Variants in AGPS observed in about 807,000 individuals in gnomAD.
The protein encoded by AGPS is alkylglycerone phosphate synthase.
In AGPS, 26 loss-of-function variants were observed where a neutral mutation model predicts 90.7. The ratio of observed to expected loss-of-function variants is 0.29; its 90% confidence interval spans 0.21 to 0.40. The LOEUF is 0.40. Among genes scored for constraint, AGPS ranks in the 10% least tolerant of loss-of-function variants. The pLI is 1.00. For synonymous variants in AGPS, 294 were observed against 285.3 expected (o/e 1.03, Z -0.31); for missense variants, 540 against 816.1 (o/e 0.66, Z 4.12).
At chr2:177,427,114 C>T (rs924184698) in intron 2 of AGPS, among the ~76,000 whole-genome samples, 15 of 152,052 alleles carry the variant, frequency 9.9e-5, no homozygotes, top group African/African-American at 2.9e-4. Context: ...GGAACTTATC[C>T]ACTTTTTTCT....
At chr2:177,459,809 T>A (rs569837608) in intron 8 of AGPS, among the ~76,000 whole-genome samples, 5 of 152,314 alleles carry the variant, frequency 3.3e-5, no homozygotes, top group African/African-American at 1.2e-4. Flanking sequence ...GCAATCCCAT[T>A]ACTGGGTATA....
chr2:177,521,218 T>C (rs756857725), intron 17 of AGPS, 51 bp from the exon 18 acceptor site: 1 of 1,477,590 alleles, frequency 6.8e-7, no homozygotes, highest in East Asian at 2.3e-5. Context: ...AGATGTTAAA[T>C]CTGATTTCAC....
intron 19 of AGPS, among the ~76,000 whole-genome samples, chr2:177,533,312 G>C (rs1559087326): frequency 6.6e-6 from 1 of 152,150 alleles, no homozygotes; most frequent in Non-Finnish European, 1.5e-5. Flanking sequence ...TTCAGCTGTA[G>C]CATAGGTTAA....
At chr2:177,426,432 G>C (rs1322720986) in intron 2 of AGPS, among the ~76,000 whole-genome samples, 1 of 152,140 alleles carries the variant, frequency 6.6e-6, no homozygotes, top group Non-Finnish European at 1.5e-5. Context: ...ATACTATGTT[G>C]AAAGTAGTGG....
intron 2 of AGPS, among the ~76,000 whole-genome samples, chr2:177,428,962 AG>A (rs935569428): frequency 1.2e-4 from 18 of 152,110 alleles, no homozygotes; most frequent in African/African-American, 4.1e-4. Flanking sequence ...AATCAGTCAT[AG>A]GTTCAGTCTT....
chr2:177,410,779 G>A (rs1574345990), intron 1 of AGPS, among the ~76,000 whole-genome samples: 1 of 152,206 alleles, frequency 6.6e-6, no homozygotes, highest in East Asian at 1.9e-4. Context: ...CTCTGTGAGG[G>A]TGACGGCATG....
At chr2:177,512,030 AT>A (rs528860257) in intron 16 of AGPS, among the ~76,000 whole-genome samples, 8 of 152,138 alleles carry the variant, frequency 5.3e-5, no homozygotes, top group East Asian at 1.9e-4. Context: ...GTATTCTTAG[AT>A]TTTTTTTAGA....
At chr2:177,468,818 T>C (rs902621943) in intron 10 of AGPS, among the ~76,000 whole-genome samples, 5 of 152,104 alleles carry the variant, frequency 3.3e-5, no homozygotes, top group Non-Finnish European at 4.4e-5. Flanking sequence ...ATGGTTTATT[T>C]TGACATTTTG....
chr2:177,432,110 A>G (rs938789433), intron 2 of AGPS, among the ~76,000 whole-genome samples: 1 of 152,098 alleles, frequency 6.6e-6, no homozygotes, highest in Non-Finnish European at 1.5e-5. Context: ...CTTTGCTTTT[A>G]GTCATTGTCA....
At chr2:177,438,509 G>A (rs558265920) in intron 5 of AGPS, among the ~76,000 whole-genome samples, 42 of 152,136 alleles carry the variant, frequency 2.8e-4, no homozygotes, top group Non-Finnish European at 5.0e-4. Context: ...TCTTTGCTTT[G>A]TAAAATCCCT....
chr2:177,493,174 C>T lies in AGPS; in HGVS notation c.1260C>T (p.Leu420=), dbSNP rs559000990. Residue 420 remains leucine (L), a synonymous_variant, in exon 12 of 20, where the codon CTC becomes CTT. Transcript: ENST00000264167. ...GATGTGCTCCGGCATCTATTCGCCT[C>T]ATGGACAACAAGCAGTTTCAGTTTG... ...KQRCAPASIR[L]MDNKQFQFGH... 2.5e-6 allele frequency: 4 copies of T among 1,613,400 alleles called. No individual in the cohort carries two copies. In the South Asian group the frequency reaches 3.3e-5, roughly 13 times the overall value.
intron 1 of AGPS, among the ~76,000 whole-genome samples, chr2:177,418,877 T>C (rs1685864630): frequency 6.6e-6 from 1 of 151,928 alleles, no homozygotes; most frequent in Admixed American, 6.6e-5. Flanking sequence ...TAGAGATTTT[T>C]CCAAAAGCTC....
At position 177,394,250 on chromosome 2, in the gene AGPS, G is replaced by A. The variant is rs1330932901; in HGVS notation, c.260+1201G>A. On this transcript the variant is annotated intron_variant, in intron 1 of 19. Coordinates refer to ENST00000264167, the MANE Select transcript of AGPS (RefSeq NM_003659.4). ...GCTTAGTAGGTAAAATTATAATACA[G>A]CGTTATAAGAAACTTAACTGGGAAC... is the stretch of plus-strand genomic sequence containing the variant. Among the ~76,000 whole-genome samples the A allele has an allele frequency of 2.0e-5, 3 of 152,154 alleles. No individual in the cohort carries two copies. The South Asian group carries it at 6.2e-4, about 31-fold the overall frequency.
chr2:177,506,391 T>C (rs1688712956), intron 15 of AGPS, among the ~76,000 whole-genome samples: 1 of 151,790 alleles, frequency 6.6e-6, no homozygotes, highest in Non-Finnish European at 1.5e-5. Flanking sequence ...ATTTTCAGGG[T>C]ACGTATGATA....
chr2:177,482,290 T>A, intron 11 of AGPS, 104 bp downstream of exon 11: 2 of 628,344 alleles, frequency 3.2e-6, no homozygotes, highest in Admixed American at 3.3e-5. Context: ...ACAACTAATC[T>A]TCATTTTTAG....
At chr2:177,498,774 A>G (rs1036196213) in intron 13 of AGPS, among the ~76,000 whole-genome samples, 13 of 151,708 alleles carry the variant, frequency 8.6e-5, no homozygotes, top group African/African-American at 2.2e-4. Flanking sequence ...TCATACATTG[A>G]TTTGCTATGC....
At chr2:177,446,135 C>CA (rs1686761230) in intron 8 of AGPS, among the ~76,000 whole-genome samples, 2 of 142,612 alleles carry the variant, frequency 1.4e-5, no homozygotes, top group African/African-American at 5.2e-5. Context: ...CAGGGCTTCT[C>CA]AGGGTGACTG....
chr2:177,452,809 T>C (rs900162950), intron 8 of AGPS, among the ~76,000 whole-genome samples: 6 of 152,142 alleles, frequency 3.9e-5, no homozygotes, highest in African/African-American at 1.4e-4. Context: ...ATCTCTTTAG[T>C]TTCTTTAGTA....
chr2:177,518,401 A>T (rs1186515600), intron 17 of AGPS, among the ~76,000 whole-genome samples: 6 of 151,980 alleles, frequency 3.9e-5, no homozygotes, highest in Non-Finnish European at 1.5e-5. Context: ...GTGCCACTAC[A>T]CTCCAGCCTG....
Sources: allele counts gnomAD v4.1 joint callset (sites outside exome capture counted in the v4.1 genomes callset), GRCh38; gene constraint gnomAD v4.1.1; transcripts MANE v1.5; gene names NCBI Gene and HGNC (gene_info 2026-07-23, HGNC 2026-07-21).